Variants in RBFOX1 observed in about 807,000 individuals in gnomAD.
The protein encoded by RBFOX1 is RNA binding fox-1 homolog 1.
Under a neutral mutation model 57.7 loss-of-function variants are expected in RBFOX1, and 8 were observed. The observed-to-expected ratio is 0.14, with a 90% CI of 0.08 to 0.25. RBFOX1 has a LOEUF of 0.25. RBFOX1 is among the 10% of genes least tolerant of loss of function. The pLI is 1.00. For synonymous variants in RBFOX1, 326 were observed against 222.4 expected (o/e 1.47, Z -4.15); for missense variants, 611 against 548.5 (o/e 1.11, Z -1.14).
intron 3 of RBFOX1, among the ~76,000 whole-genome samples, chr16:5,805,360 C>G (rs1375409829): frequency 1.3e-5 from 2 of 152,182 alleles, no homozygotes; most frequent in African/African-American, 2.4e-5. Context: ...GTTCAAAATT[C>G]TATTAACTAG....
At chr16:6,139,609 A>G (rs947423124) in intron 1 of RBFOX1, among the ~76,000 whole-genome samples, 4 of 152,280 alleles carry the variant, frequency 2.6e-5, no homozygotes, top group East Asian at 1.9e-4. Context: ...TTATCCCCCA[A>G]ATTGTCAGCA....
At chr16:5,908,133 T>C (rs1054690900) in intron 4 of RBFOX1, among the ~76,000 whole-genome samples, 62 of 131,684 alleles carry the variant, frequency 4.7e-4, no homozygotes, top group Admixed American at 8.0e-4. Flanking sequence ...CATATATATA[T>C]ACACATATAT....
chr16:6,675,994 A>G (rs1423065887), intron 3 of RBFOX1, among the ~76,000 whole-genome samples: 1 of 152,066 alleles, frequency 6.6e-6, no homozygotes, highest in Admixed American at 6.6e-5. Context: ...ACCAAGGGCG[A>G]TGGGAGAGGA....
At chr16:5,428,967 C>A (rs1183194205) in intron 1 of RBFOX1, among the ~76,000 whole-genome samples, 1 of 151,894 alleles carries the variant, frequency 6.6e-6, no homozygotes, top group African/African-American at 2.4e-5. Context: ...AGGGGCTTTT[C>A]CTCTCTTCCT....
intron 14 of RBFOX1, among the ~76,000 whole-genome samples, chr16:7,686,048 T>G (rs1370697277): frequency 6.6e-6 from 1 of 152,030 alleles, no homozygotes; most frequent in African/African-American, 2.4e-5. Flanking sequence ...TGGATGACCA[T>G]TGCTTCTTTG....
At chr16:5,731,981 T>C (rs1037378660) in intron 3 of RBFOX1, among the ~76,000 whole-genome samples, 1 of 152,196 alleles carries the variant, frequency 6.6e-6, no homozygotes, top group Non-Finnish European at 1.5e-5. Context: ...TCTAGAATTC[T>C]CCACCCCATA....
intron 1 of RBFOX1, among the ~76,000 whole-genome samples, chr16:5,449,253 G>A (rs2068347768): frequency 6.6e-6 from 1 of 152,148 alleles, no homozygotes; most frequent in Non-Finnish European, 1.5e-5. Flanking sequence ...TCCTCTTCCT[G>A]AAATGCTTCC....
intron 1 of RBFOX1, among the ~76,000 whole-genome samples, chr16:6,135,505 G>T (rs763805640): frequency 1.3e-5 from 2 of 152,058 alleles, no homozygotes. Flanking sequence ...AAATTGGAGG[G>T]ATCACAGATT....
intron 2 of RBFOX1, among the ~76,000 whole-genome samples, chr16:5,496,755 A>G (rs906257691): frequency 1.3e-5 from 2 of 152,126 alleles, no homozygotes; most frequent in Non-Finnish European, 2.9e-5. Flanking sequence ...TTTATTTGCA[A>G]TCAGCTGCTT....
intron 3 of RBFOX1, among the ~76,000 whole-genome samples, chr16:5,864,151 A>G (rs1444586168): frequency 2.0e-5 from 3 of 152,124 alleles, no homozygotes; most frequent in African/African-American, 7.2e-5. Flanking sequence ...GAGGATATGC[A>G]GTATTTGGTT....
At chr16:7,251,849 A>C (rs4238871) in intron 4 of RBFOX1, among the ~76,000 whole-genome samples, 102,050 of 152,056 alleles carry the variant, frequency 0.67, 35,864 homozygotes, top group African/African-American at 0.88. Flanking sequence ...GGATATATAC[A>C]CAGTAGTGGG....
At chr16:6,130,691 A>G (rs1242289378) in intron 1 of RBFOX1, among the ~76,000 whole-genome samples, 2 of 152,192 alleles carry the variant, frequency 1.3e-5, no homozygotes, top group Non-Finnish European at 2.9e-5. Context: ...ACTATATCCC[A>G]TATGAATAGT....
chr16:7,196,301 C>T (rs945204017), intron 4 of RBFOX1, among the ~76,000 whole-genome samples: 3 of 152,158 alleles, frequency 2.0e-5, no homozygotes, highest in Non-Finnish European at 2.9e-5. Context: ...TTCACTCTCC[C>T]CTTTCATCCT....
chr16:5,840,591 G>T (rs774007882), intron 3 of RBFOX1, among the ~76,000 whole-genome samples: 2 of 152,208 alleles, frequency 1.3e-5, no homozygotes, highest in Non-Finnish European at 2.9e-5. Flanking sequence ...TTAAATGGGG[G>T]AAGGAGTTGC....
intron 3 of RBFOX1, among the ~76,000 whole-genome samples, chr16:5,775,355 G>A (rs781567016): frequency 3.3e-5 from 5 of 152,082 alleles, no homozygotes; most frequent in African/African-American, 9.7e-5. Context: ...TTATACCTGG[G>A]AATTTCTTAT....
chr16:6,978,984 A>C (rs550849797), intron 3 of RBFOX1, among the ~76,000 whole-genome samples: 63 of 152,324 alleles, frequency 4.1e-4, no homozygotes, highest in African/African-American at 1.3e-3. Flanking sequence ...AAGGCAGGCA[A>C]ACTGTTGACT....
At chr16:6,775,051 C>T (rs556206113) in intron 3 of RBFOX1, among the ~76,000 whole-genome samples, 6 of 151,764 alleles carry the variant, frequency 4.0e-5, no homozygotes, top group South Asian at 4.2e-4. Flanking sequence ...CAAGGCAGGG[C>T]GCAGTGGCTC....
At position 6,176,060 on chromosome 16, in the gene RBFOX1, T is replaced by A. The variant is rs532089251; in HGVS notation, c.-126-140935T>A. 3.3e-5 allele frequency among the ~76,000 whole-genome samples: 5 copies of A among 152,246 alleles called. No homozygotes were observed. In the East Asian group the frequency reaches 9.7e-4, roughly 29 times the overall value. Reference sequence around the variant, plus strand: ...AATGGACCACCAGGCTGCAAAACTATTGGTTTCATAGTGATGGGCTTAATT... The same window carrying A: ...AATGGACCACCAGGCTGCAAAACTAATGGTTTCATAGTGATGGGCTTAATT... On this transcript the variant is annotated intron_variant, in intron 1 of 15. Coordinates refer to ENST00000550418, the MANE Select transcript of RBFOX1 (RefSeq NM_018723.4).
intron 12 of RBFOX1, among the ~76,000 whole-genome samples, chr16:7,656,543 G>C (rs2066351722): frequency 6.7e-6 from 1 of 149,430 alleles, no homozygotes; most frequent in Non-Finnish European, 1.5e-5. Context: ...CTTGTTTTCA[G>C]AAAGTAACAT....
Sources: allele counts gnomAD v4.1 joint callset (sites outside exome capture counted in the v4.1 genomes callset), GRCh38; gene constraint gnomAD v4.1.1; transcripts MANE v1.5; gene names NCBI Gene and HGNC (gene_info 2026-07-23, HGNC 2026-07-21).